The following ZNF709 variants were observed in gnomAD, a reference collection of about 807,000 sequenced individuals.
ZNF709 encodes the protein zinc finger protein 709.
ZNF709 carries 15 observed loss-of-function variants against 10.6 expected under a neutral mutation model. That is an observed-to-expected ratio of 1.41 (90% confidence interval 0.95 to 2.18). The LOEUF (loss-of-function observed/expected upper bound fraction) is 2.18, where lower values mean the gene tolerates loss of function less well. Among genes scored for constraint, ZNF709 ranks in the 30% most tolerant of loss-of-function variants. ZNF709 has a pLI of 0.00. For missense variants in ZNF709, 589 were observed against 774.0 expected (o/e 0.76, Z 2.84); for synonymous variants, 194 against 238.8 (o/e 0.81, Z 1.73).
intron 1 of ZNF709, among the ~76,000 whole-genome samples, chr19:12,480,162 A>C (rs1299389432): frequency 6.6e-6 from 1 of 152,046 alleles, no homozygotes; most frequent in Admixed American, 6.6e-5. Context: ...TTTTTAAAAA[A>C]AAAACAAACA....
Position 12,464,764 on chromosome 19 carries a change from G to A in ZNF709, c.1158C>T (p.His386=). ...PSSFQIHERT[H]TGEKPYECKQ... ...TACATTCATAGGGTTTCTCTCCAGT[G>A]TGAGTTCGTTCATGGATTTGAAAAG... The change falls in exon 4 of 4, where the codon CAC becomes CAT. Residue 386 remains histidine, a synonymous_variant. Transcript: ENST00000397732. The A allele has an allele frequency of 1.2e-6, 2 of 1,613,680 alleles. No individual in the cohort carries two copies. The highest frequency in any genetic ancestry group is 1.1e-5 in the South Asian group (1 of 90,990).
At chr19:12,484,289 C>T (rs1226745114) in intron 1 of ZNF709, among the ~76,000 whole-genome samples, 2 of 152,170 alleles carry the variant, frequency 1.3e-5, no homozygotes, top group Non-Finnish European at 2.9e-5. Context: ...ACTGAGGACC[C>T]CACACAACAC....
At chr19:12,477,770 A>T (rs1456655784) in intron 1 of ZNF709, among the ~76,000 whole-genome samples, 3 of 151,850 alleles carry the variant, frequency 2.0e-5, no homozygotes, top group Non-Finnish European at 2.9e-5. Context: ...CAAATTGTGG[A>T]CCTCTTTTTC....
At chr19:12,481,926 G>A (rs999623572) in intron 1 of ZNF709, among the ~76,000 whole-genome samples, 2 of 148,164 alleles carry the variant, frequency 1.3e-5, no homozygotes, top group African/African-American at 5.0e-5. Flanking sequence ...AAAAAAAAAG[G>A]GAAGGAAGGA....
chr19:12,468,080 A>T (rs1302497920), intron 1 of ZNF709, among the ~76,000 whole-genome samples: 1 of 148,852 alleles, frequency 6.7e-6, no homozygotes, highest in Non-Finnish European at 1.5e-5. Context: ...GTGGGGGGTC[A>T]GCCCCCGCCC....
rs747841809 is a variant in ZNF709, at chr19:12,465,008, T to G, written c.914A>C (p.Glu305Ala). The G allele has an allele frequency of 4.3e-6, 7 of 1,610,128 alleles. No homozygotes were observed. The highest frequency in any genetic ancestry group is 5.9e-6 in the Non-Finnish European group (7 of 1,178,926). ...ACATTTTTTACATTTATAGGGTTTT[T>G]CTCCAGTGTGAATCCTTTCATGACT... ...FRSHERIHTG[E>A]KPYKCKKCGK... is the part of the protein sequence containing the mutation. The change falls in exon 4 of 4, where the codon GAA (glutamate) becomes GCA (alanine). Residue 305 changes from glutamate (E) to alanine (A), a missense_variant. This residue lies in a region of ZNF709 where 418 missense variants were observed against 496.3 expected (regional missense o/e 0.84). Transcript: ENST00000397732.
At chr19:12,478,738 G>A (rs891563712) in intron 1 of ZNF709, among the ~76,000 whole-genome samples, 2 of 152,216 alleles carry the variant, frequency 1.3e-5, no homozygotes, top group African/African-American at 4.8e-5. Context: ...TCCTGGCCTG[G>A]GTTTTTATTG....
At chr19:12,469,567 G>A (rs1210882207) in intron 1 of ZNF709, among the ~76,000 whole-genome samples, 2 of 152,148 alleles carry the variant, frequency 1.3e-5, no homozygotes, top group Admixed American at 6.5e-5. Context: ...AGGAGATAGA[G>A]ACCATCCTGG....
rs1970533940 is a variant in ZNF709, at chr19:12,463,535, G to A, written c.*461C>T. 6.6e-6 allele frequency: 1 copy of A among 152,598 alleles called. No individual in the cohort carries two copies. Among genetic ancestry groups the A allele is most frequent in the Non-Finnish European group, 1.5e-5 (1 of 68,368 alleles). 9.5% of individuals were successfully genotyped at this position (152,598 alleles called of 1,614,324 possible). ...ACTGCCTACATTCGCAGGGTTTCCT[G>A]TCCAGTATGAATGCTTCCTCATATT... is the stretch of plus-strand genomic sequence containing the variant. On this transcript the variant is annotated 3_prime_UTR_variant, in exon 4 of 4. Coordinates refer to ENST00000397732, the MANE Select transcript of ZNF709 (RefSeq NM_152601.4).
intron 3 of ZNF709, 116 bp from the exon 4 acceptor site, chr19:12,465,849 T>A: frequency 1.2e-6 from 1 of 840,314 alleles, no homozygotes; most frequent in Non-Finnish European, 1.7e-6. Context: ...CTTTTGCCAT[T>A]TTCAGGGAAA....
intron 1 of ZNF709, among the ~76,000 whole-genome samples, chr19:12,475,579 T>C (rs1970669870): frequency 6.6e-6 from 1 of 152,158 alleles, no homozygotes; most frequent in African/African-American, 2.4e-5. Flanking sequence ...GCAGTATTTA[T>C]AGGAAACCTG....
At position 12,464,342 on chromosome 19, in the gene ZNF709, G is replaced by C. The variant is rs768962711; in HGVS notation, c.1580C>G (p.Thr527Ser). Residue 527 changes from threonine (T) to serine (S), a missense_variant, in exon 4 of 4, where the codon ACT (threonine) becomes AGT (serine). Thr to Ser is a moderately conservative substitution (Grantham distance 58). Transcript: ENST00000397732. The part of the protein sequence containing the change: ...SSFRMHERTH[T>S]GEKPYECKQC... ...TTTACATTCATAGGGTTTCTCCCCA[G>C]TGTGAGTCCTTTCATGCATTCGAAA... 9 of 1,611,242 alleles carry C rather than the reference G, an allele frequency of 5.6e-6. No individual in the cohort carries two copies. Among genetic ancestry groups the C allele is most frequent in the African/African-American group, 4.0e-5 (3 of 74,720 alleles).
chr19:12,470,908 C>A (rs1306183107), intron 1 of ZNF709, among the ~76,000 whole-genome samples: 2 of 142,426 alleles, frequency 1.4e-5, no homozygotes, highest in Non-Finnish European at 3.0e-5. Context: ...GCCTGGGCAA[C>A]AGAGCGAGAC....
rs1970544213 is a variant in ZNF709 at position 12,464,279 on chromosome 19, C to T, written c.1643G>A (p.Arg548Gln). ...GKAFSCSSSI[R>Q]IHERTHTGEK... The stretch of plus-strand genomic sequence containing the variant: ...TCCAGTGTGAGTCCTTTCATGTATT[C>T]GAATGGAACTGGAACAACTAAACGC... Residue 548 changes from arginine to glutamine, a missense_variant, in exon 4 of 4, where the codon CGA (arginine) becomes CAA (glutamine). Transcript: ENST00000397732. The T allele has an allele frequency of 3.7e-6, 6 of 1,602,948 alleles. No individual in the cohort carries two copies. Among genetic ancestry groups the T allele is most frequent in the South Asian group, 1.1e-5 (1 of 89,080 alleles).
In ZNF709 at chr19:12,465,043, T is replaced by C; in HGVS notation, c.879A>G (p.Thr293=). 1 of 1,612,872 alleles carries C rather than the reference T, an allele frequency of 6.2e-7. No homozygotes were observed. The highest frequency in any genetic ancestry group is 8.5e-7 in the Non-Finnish European group (1 of 1,179,616). The part of the protein sequence containing the change: ...KQCGKALSCP[T]SFRSHERIHT... ...GAATCCTTTCATGACTTCGAAAGGA[T>C]GTGGGACAACTAAGAGCTTTACCAC... Residue 293 remains threonine, a synonymous_variant, in exon 4 of 4, where the codon ACA becomes ACG. Transcript: ENST00000397732.
rs117766079 is a variant in ZNF709 at position 12,484,699 on chromosome 19, C to T, written c.-42G>A. On this transcript the variant is annotated 5_prime_UTR_variant, in exon 1 of 4. Coordinates refer to ENST00000397732, the MANE Select transcript of ZNF709 (RefSeq NM_152601.4). ...TGTCCTGGTGTTCTGTTTACCTCTCCCGCGGCCAGCACAGGTCCTACCTCC... is the reference window on the plus strand; with the variant it reads ...TGTCCTGGTGTTCTGTTTACCTCTCTCGCGGCCAGCACAGGTCCTACCTCC... The T allele has an allele frequency of 3.4e-4, 555 of 1,613,992 alleles. 2 individuals are homozygous for T. The East Asian group carries it at 0.01, about 30-fold the overall frequency.
chr19:12,465,929 T>C (rs1970566665), intron 3 of ZNF709, among the ~76,000 whole-genome samples, 196 bp from the exon 4 acceptor site: 2 of 149,456 alleles, frequency 1.3e-5, no homozygotes, highest in Non-Finnish European at 1.5e-5. Flanking sequence ...ATTCATCACA[T>C]AGAGTTTATT....
At chr19:12,475,048 G>A (rs1314197443) in intron 1 of ZNF709, among the ~76,000 whole-genome samples, 2 of 151,654 alleles carry the variant, frequency 1.3e-5, no homozygotes, top group Non-Finnish European at 2.9e-5. Flanking sequence ...ACCTGAGGTC[G>A]GGAGTTGGAC....
At chr19:12,479,517 A>G (rs1026641559) in intron 1 of ZNF709, among the ~76,000 whole-genome samples, 3 of 143,514 alleles carry the variant, frequency 2.1e-5, no homozygotes, top group Non-Finnish European at 4.5e-5. Flanking sequence ...TTCATTTTTA[A>G]TCAACTTACT....
Sources: gnomAD v4.1 joint callset for allele counts (sites outside exome capture counted in the v4.1 genomes callset) on GRCh38, gnomAD v4.1.1 for gene constraint, gnomAD v4.1.1 regional missense constraint, MANE v1.5 for transcripts, NCBI Gene and HGNC (gene_info 2026-07-23, HGNC 2026-07-21) for gene names.